The following FGFR2 variants were observed in gnomAD, a reference collection of about 807,000 sequenced individuals.
FGFR2 encodes the protein fibroblast growth factor receptor 2.
In FGFR2, 19 loss-of-function variants were observed where a neutral mutation model predicts 95.9. The ratio of observed to expected loss-of-function variants is 0.20; its 90% CI spans 0.14 to 0.29. The LOEUF (loss-of-function observed/expected upper bound fraction) is 0.29. FGFR2 is among the 10% of genes least tolerant of loss of function. The pLI is 1.00. For missense variants in FGFR2, 707 were observed against 1,056.9 expected (o/e 0.67, Z 4.59); for synonymous variants, 392 against 393.3 (o/e 1.00, Z 0.04).
At chr10:121,538,839 C>T in intron 5 of FGFR2, 124 bp from the exon 6 acceptor site, 1 of 1,236,044 alleles carries the variant, frequency 8.1e-7, no homozygotes, top group Non-Finnish European at 1.2e-6. Context: ...CACCTAAATT[C>T]TAAATTGATA....
At chr10:121,576,775 G>A (rs375935081) in intron 2 of FGFR2, among the ~76,000 whole-genome samples, 6 of 152,206 alleles carry the variant, frequency 3.9e-5, no homozygotes, top group African/African-American at 1.4e-4. Flanking sequence ...TCCCTTAGCA[G>A]TAAGGCTATG....
At chr10:121,502,237 C>T (rs1365911765) in intron 10 of FGFR2, among the ~76,000 whole-genome samples, 3 of 152,196 alleles carry the variant, frequency 2.0e-5, no homozygotes, top group Non-Finnish European at 4.4e-5. Flanking sequence ...TATATAATCA[C>T]ACACAAACTA....
At chr10:121,511,522 C>A (rs1218266311) in intron 9 of FGFR2, among the ~76,000 whole-genome samples, 2 of 152,122 alleles carry the variant, frequency 1.3e-5, no homozygotes, top group African/African-American at 4.8e-5. Flanking sequence ...GGCTGCTTCA[C>A]ACTGGTCACT....
chr10:121,551,217 C>T (rs1416289718), intron 5 of FGFR2, 73 bp downstream of exon 5: 17 of 1,550,358 alleles, frequency 1.1e-5, no homozygotes, highest in East Asian at 4.6e-5. Context: ...GAGACTCCAT[C>T]GCAAAAAAAA....
intron 9 of FGFR2, among the ~76,000 whole-genome samples, chr10:121,508,545 C>T (rs537709900): frequency 6.6e-6 from 1 of 152,206 alleles, no homozygotes; most frequent in African/African-American, 2.4e-5. Context: ...CCCAAACAGA[C>T]TGTCTCGAGA....
At chr10:121,484,403 G>A (rs769309919) in intron 16 of FGFR2, among the ~76,000 whole-genome samples, 1 of 152,034 alleles carries the variant, frequency 6.6e-6, no homozygotes, top group Non-Finnish European at 1.5e-5. Context: ...TTTGGGTTTC[G>A]ACAGATCCTC....
chr10:121,480,835 A>C (rs950769288), intron 17 of FGFR2, among the ~76,000 whole-genome samples: 2 of 152,160 alleles, frequency 1.3e-5, no homozygotes, highest in African/African-American at 4.8e-5. Context: ...CCAGGGTGAC[A>C]CTTCCTCCGA....
At chr10:121,565,244 T>A (rs573221054) in intron 3 of FGFR2, among the ~76,000 whole-genome samples, 194 bp downstream of exon 3, 10 of 151,960 alleles carry the variant, frequency 6.6e-5, no homozygotes, top group Admixed American at 4.6e-4. Context: ...AAATGTTACT[T>A]TGTGCACAAG....
chr10:121,541,668 A>C (rs1853779152), intron 5 of FGFR2, among the ~76,000 whole-genome samples: 1 of 152,224 alleles, frequency 6.6e-6, no homozygotes, highest in African/African-American at 2.4e-5. Flanking sequence ...AAGATGCTTA[A>C]CCTCATTAAC....
intron 5 of FGFR2, among the ~76,000 whole-genome samples, chr10:121,546,710 T>C (rs1743131415): frequency 3.3e-5 from 5 of 152,150 alleles, no homozygotes; most frequent in African/African-American, 9.7e-5. Flanking sequence ...CAAGCTGTAA[T>C]GCAGGGGATG....
chr10:121,535,383 T>G (rs1430007440), intron 6 of FGFR2, among the ~76,000 whole-genome samples: 1 of 152,228 alleles, frequency 6.6e-6, no homozygotes, highest in Non-Finnish European at 1.5e-5. Flanking sequence ...GCTAAATAAT[T>G]TGTCCCAATT....
At chr10:121,573,685 A>T in intron 2 of FGFR2, among the ~76,000 whole-genome samples, 1 of 150,196 alleles carries the variant, frequency 6.7e-6, no homozygotes, top group Non-Finnish European at 1.5e-5. Flanking sequence ...AGGGAGGGGC[A>T]GAGAGAAGAG....
chr10:121,556,414 TC>T (rs1856154817), intron 4 of FGFR2, among the ~76,000 whole-genome samples: 1 of 150,540 alleles, frequency 6.6e-6, no homozygotes, highest in Non-Finnish European at 1.5e-5. Context: ...TCTCTCTCTC[TC>T]TCTCTCTCTC....
At chr10:121,569,210 TTTTC>T in intron 2 of FGFR2, among the ~76,000 whole-genome samples, 1 of 139,378 alleles carries the variant, frequency 7.2e-6, no homozygotes, top group African/African-American at 2.9e-5. Flanking sequence ...TTTTCTTTTC[TTTTC>T]TTTTCTTTTC....
Position 121,518,782 on chromosome 10 carries a change from A to G in FGFR2, c.939+1197T>C. ...ATTCCCCAGCATCCGCCTCGGTCAC[A>G]TTGAACAGAGCCAGCACTTCTGCAT... On this transcript the variant is annotated intron_variant, in intron 7 of 17. Transcript: ENST00000358487. This position sits in a 1 kb window ranked among gnomAD's most constrained non-coding sequence, Gnocchi z 4.0. The G allele has an allele frequency of 6.2e-7, 1 of 1,614,194 alleles. No individual in the cohort carries two copies. Among genetic ancestry groups the G allele is most frequent in the Non-Finnish European group, 8.5e-7 (1 of 1,180,008 alleles).
chr10:121,543,557 C>T (rs1854071013), intron 5 of FGFR2, among the ~76,000 whole-genome samples: 1 of 152,108 alleles, frequency 6.6e-6, no homozygotes, highest in Non-Finnish European at 1.5e-5. Flanking sequence ...TTCTCCCATC[C>T]CAGTCCCCCA....
intron 4 of FGFR2, among the ~76,000 whole-genome samples, chr10:121,555,554 G>A (rs1046585313): frequency 3.9e-5 from 6 of 152,094 alleles, no homozygotes; most frequent in African/African-American, 1.4e-4. Flanking sequence ...ACCTGTAAAG[G>A]AAACAAATTA....
At chr10:121,509,603 C>A (rs1564899604) in intron 9 of FGFR2, among the ~76,000 whole-genome samples, 1 of 150,334 alleles carries the variant, frequency 6.7e-6, no homozygotes. Context: ...CCTGCCTCAG[C>A]CTCCCAAGTA....
chr10:121,561,425 C>CA (rs58049520), intron 4 of FGFR2, among the ~76,000 whole-genome samples: 7,700 of 65,836 alleles, frequency 0.12, 442 homozygotes, highest in African/African-American at 0.2. Flanking sequence ...ACTCCCATCT[C>CA]AAAAAAAAAA....
Sources: gnomAD v4.1 joint callset for allele counts (sites outside exome capture counted in the v4.1 genomes callset) on GRCh38, gnomAD v4.1.1 for gene constraint, Gnocchi (gnomAD v3.1) non-coding constraint, MANE v1.5 for transcripts, NCBI Gene and HGNC (gene_info 2026-07-23, HGNC 2026-07-21) for gene names.